ACMSD: variants seen among roughly 807,000 people sequenced by gnomAD.
ACMSD encodes the protein aminocarboxymuconate semialdehyde decarboxylase.
A neutral mutation model predicts 45.9 loss-of-function variants in ACMSD; 37 were observed. That is an observed-to-expected ratio of 0.81 (90% CI 0.62 to 1.06). The LOEUF (loss-of-function observed/expected upper bound fraction) is 1.06. ACMSD is among the 50% of genes least tolerant of loss of function. ACMSD has a pLI of 0.00. For missense variants in ACMSD, 434 were observed against 420.9 expected (o/e 1.03, Z -0.27); for synonymous variants, 138 against 148.8 (o/e 0.93, Z 0.53).
chr2:134,891,712 C>T (rs1466891967), intron 8 of ACMSD, among the ~76,000 whole-genome samples: 2 of 152,094 alleles, frequency 1.3e-5, no homozygotes, highest in Non-Finnish European at 2.9e-5. Context: ...CAATTCAATT[C>T]AGAATCCCAC....
At chr2:134,894,572 C>T (rs1010073415) in intron 8 of ACMSD, among the ~76,000 whole-genome samples, 3 of 151,960 alleles carry the variant, frequency 2.0e-5, no homozygotes, top group South Asian at 4.1e-4. Flanking sequence ...ACCAATGCTT[C>T]AAAAAATATA....
At position 134,883,549 on chromosome 2, in the gene ACMSD, TG is replaced by T. The variant is rs1338555179; in HGVS notation, c.849+10912del. ...CAAGGTTTCACTCTGTCGCCCAGGCTGGGGTACAATGGTGCGATCATAGCTC... is the reference window on the plus strand; with the variant it reads ...CAAGGTTTCACTCTGTCGCCCAGGCTGGGTACAATGGTGCGATCATAGCTC... On this transcript the variant is annotated intron_variant, in intron 8 of 9. Coordinates refer to ENST00000356140, the MANE Select transcript of ACMSD (RefSeq NM_138326.3). Among the ~76,000 whole-genome samples, 3 of 152,314 alleles carry T rather than the reference TG, an allele frequency of 2.0e-5. No homozygotes were observed. The East Asian group carries it at 5.8e-4, about 29-fold the overall frequency.
At chr2:134,855,971 TG>T (rs1433980518) in intron 2 of ACMSD, among the ~76,000 whole-genome samples, 5 of 152,150 alleles carry the variant, frequency 3.3e-5, no homozygotes, top group Admixed American at 3.3e-4. Flanking sequence ...GGACATTCTA[TG>T]GGGCCCAAAG....
intron 8 of ACMSD, among the ~76,000 whole-genome samples, chr2:134,884,198 T>A (rs193261617): frequency 2.0e-5 from 3 of 152,318 alleles, no homozygotes; most frequent in African/African-American, 7.2e-5. Flanking sequence ...GAACAATAGT[T>A]ACTAAATAAT....
intron 8 of ACMSD, among the ~76,000 whole-genome samples, chr2:134,886,246 A>ATTATTTTTTTTTTTTTTTTTTT: frequency 8.7e-6 from 1 of 115,476 alleles, no homozygotes; most frequent in African/African-American, 3.6e-5. Flanking sequence ...TATTATTATT[A>ATTATTTTTTTTTTTTTTTTTTT]TTTTTTTTTT....
chr2:134,852,092 T>G (rs1402775608), intron 2 of ACMSD, among the ~76,000 whole-genome samples: 2 of 152,172 alleles, frequency 1.3e-5, no homozygotes, highest in Admixed American at 1.3e-4. Context: ...TAGACTACTT[T>G]GAAAAGAGTT....
intron 8 of ACMSD, among the ~76,000 whole-genome samples, chr2:134,891,196 T>C (rs1689763265): frequency 6.6e-6 from 1 of 152,146 alleles, no homozygotes; most frequent in Non-Finnish European, 1.5e-5. Flanking sequence ...GTCTTAGTCA[T>C]GAATTATTTG....
chr2:134,899,063 A>T (rs1690348587), intron 9 of ACMSD, among the ~76,000 whole-genome samples: 1 of 152,026 alleles, frequency 6.6e-6, no homozygotes, highest in South Asian at 2.1e-4. Context: ...TCTTCCTAAG[A>T]CCTTCACTGC....
At chr2:134,848,130 C>A (rs185325693) in intron 2 of ACMSD, among the ~76,000 whole-genome samples, 1 of 152,202 alleles carries the variant, frequency 6.6e-6, no homozygotes, top group Non-Finnish European at 1.5e-5. Flanking sequence ...GGATTACAGG[C>A]GTGAGCCATT....
chr2:134,882,025 T>A (rs1689066113), intron 8 of ACMSD, among the ~76,000 whole-genome samples: 1 of 151,914 alleles, frequency 6.6e-6, no homozygotes, highest in East Asian at 1.9e-4. Context: ...GGCTGAGGCA[T>A]GAGAATCACT....
chr2:134,894,145 A>C lies in ACMSD; in HGVS notation c.850-4196A>C, dbSNP rs1285855262. Among the ~76,000 whole-genome samples, 3 of 152,232 alleles carry C rather than the reference A, an allele frequency of 2.0e-5. No homozygotes were observed. In the East Asian group the frequency reaches 5.8e-4, roughly 29 times the overall value. The stretch of plus-strand genomic sequence containing the variant: ...AGCAGATATAAAAGAAATAGATTAT[A>C]GAAAAACAATAGGGAAAATCAGTGA... On this transcript the variant is annotated intron_variant, in intron 8 of 9. Coordinates refer to ENST00000356140, the MANE Select transcript of ACMSD (RefSeq NM_138326.3).
chr2:134,859,837 A>T (rs1687764466), intron 3 of ACMSD: 1 of 152,694 alleles, frequency 6.5e-6, no homozygotes, highest in Non-Finnish European at 1.5e-5. Context: ...TTAATTGTGT[A>T]ATCTCAGAAT....
intron 8 of ACMSD, among the ~76,000 whole-genome samples, chr2:134,876,426 AT>A (rs940618017): frequency 5.2e-4 from 79 of 151,572 alleles, no homozygotes; most frequent in African/African-American, 1.9e-3. Context: ...ATTAAAGAGA[AT>A]TTTTTTTTGC....
At chr2:134,876,548 G>A (rs1688741755) in intron 8 of ACMSD, among the ~76,000 whole-genome samples, 1 of 152,102 alleles carries the variant, frequency 6.6e-6, no homozygotes, top group Admixed American at 6.5e-5. Flanking sequence ...TGTCCCACTG[G>A]AAGGTCTTCG....
At chr2:134,864,026 C>T (rs565452845) in intron 5 of ACMSD, among the ~76,000 whole-genome samples, 6 of 151,984 alleles carry the variant, frequency 3.9e-5, no homozygotes, top group East Asian at 1.9e-4. Flanking sequence ...CCCAGCACTT[C>T]GGGAGGCCCA....
intron 3 of ACMSD, among the ~76,000 whole-genome samples, chr2:134,860,793 G>A (rs1468824348): frequency 7.0e-6 from 1 of 143,760 alleles, no homozygotes; most frequent in African/African-American, 2.6e-5. Context: ...GCCACGTCAG[G>A]AGGATCCCTT....
At chr2:134,842,526 C>A (rs988434031) in intron 1 of ACMSD, among the ~76,000 whole-genome samples, 1 of 152,088 alleles carries the variant, frequency 6.6e-6, no homozygotes, top group East Asian at 1.9e-4. Flanking sequence ...GCACCATCAC[C>A]ATCAGCCATC....
At chr2:134,900,328 G>T (rs933260221) in intron 9 of ACMSD, among the ~76,000 whole-genome samples, 2 of 152,080 alleles carry the variant, frequency 1.3e-5, no homozygotes, top group African/African-American at 4.8e-5. Flanking sequence ...TCATCCCTTT[G>T]CCCAGGGTCT....
intron 2 of ACMSD, among the ~76,000 whole-genome samples, chr2:134,848,050 C>T (rs1020231461): frequency 6.6e-6 from 1 of 152,162 alleles, no homozygotes; most frequent in African/African-American, 2.4e-5. Context: ...AGGGTTTCTC[C>T]ATGTTGGTCA....
Sources: allele counts gnomAD v4.1 joint callset (sites outside exome capture counted in the v4.1 genomes callset), GRCh38; gene constraint gnomAD v4.1.1; transcripts MANE v1.5; gene names NCBI Gene and HGNC (gene_info 2026-07-23, HGNC 2026-07-21).